The following LRRD1 variants were observed in gnomAD, a reference collection of about 807,000 sequenced individuals.
LRRD1 encodes the protein leucine rich repeats and death domain containing 1.
Under a neutral mutation model 69.5 loss-of-function variants are expected in LRRD1, and 49 were observed. The observed-to-expected ratio is 0.70, with a 90% confidence interval of 0.56 to 0.89. The LOEUF (loss-of-function observed/expected upper bound fraction) is 0.89. LRRD1 is among the 40% of genes least tolerant of loss of function. The pLI, the probability that LRRD1 is intolerant of heterozygous loss-of-function variation, is 0.00. For missense variants in LRRD1, 853 were observed against 956.0 expected, an observed-to-expected ratio of 0.89 and a Z score of 1.42; for synonymous variants, 303 against 338.9, an observed-to-expected ratio of 0.89 and a Z score of 1.16.
rs1788987309 is a variant in LRRD1, at chr7:92,168,920, T to C, written c.-74-3644A>G. 2.0e-5 allele frequency among the ~76,000 whole-genome samples: 3 copies of C among 152,252 alleles called. No individual in the cohort carries two copies. The South Asian group carries it at 6.2e-4, about 32-fold the overall frequency. On this transcript the variant is annotated intron_variant, in intron 1 of 5. Coordinates refer to ENST00000458448, the MANE Select transcript of LRRD1 (RefSeq NM_001161528.2). Reference sequence around the variant, plus strand: ...GACCAAGAATTTAAAATGACAGGTCTGTTTTGTTTTGTTTTTTTGAGACAG... The same window carrying C: ...GACCAAGAATTTAAAATGACAGGTCCGTTTTGTTTTGTTTTTTTGAGACAG...
At chr7:92,167,511 C>G (rs191368225) in intron 1 of LRRD1, among the ~76,000 whole-genome samples, 1 of 151,994 alleles carries the variant, frequency 6.6e-6, no homozygotes, top group Non-Finnish European at 1.5e-5. Context: ...AAAATTATTT[C>G]AAAATAGAAA....
intron 3 of LRRD1, among the ~76,000 whole-genome samples, 152 bp from the exon 4 acceptor site, chr7:92,150,847 C>CA (rs1820448583): frequency 6.6e-6 from 1 of 152,022 alleles, no homozygotes. Flanking sequence ...ATGCTAAGAG[C>CA]AAAAAAGAGT....
At chr7:92,172,299 C>T (rs1789073925) in intron 1 of LRRD1, among the ~76,000 whole-genome samples, 1 of 152,148 alleles carries the variant, frequency 6.6e-6, no homozygotes, top group Non-Finnish European at 1.5e-5. Context: ...AGGATGTCCA[C>T]TCTCACCACT....
At chr7:92,162,773 T>TA (rs1788816232) in intron 2 of LRRD1, among the ~76,000 whole-genome samples, 1 of 152,210 alleles carries the variant, frequency 6.6e-6, no homozygotes, top group Non-Finnish European at 1.5e-5. Flanking sequence ...AAGATGGTTA[T>TA]ATCAAAGAGA....
intron 4 of LRRD1, among the ~76,000 whole-genome samples, chr7:92,147,759 TCTCA>T (rs1415030902): frequency 6.6e-6 from 1 of 152,048 alleles, no homozygotes; most frequent in Non-Finnish European, 1.5e-5. Context: ...TTAGACAGGG[TCTCA>T]CTCTGTTGCT....
At position 92,165,176 on chromosome 7, in the gene LRRD1, T is replaced by C. The variant is rs1417169439; in HGVS notation, c.27A>G (p.Glu9=). 1.3e-6 allele frequency: 2 copies of C among 1,511,808 alleles called. No individual in the cohort carries two copies. The highest frequency in any genetic ancestry group is 1.4e-5 in the African/African-American group (1 of 71,640). 93.6% of individuals were successfully genotyped at this position (1,511,808 alleles called of 1,614,324 possible). A position where few individuals can be genotyped will look rare whatever the true frequency, so the allele number is the denominator to read the frequency against. Residue 9 remains glutamate (E), a synonymous_variant, in exon 2 of 6, where the codon GAA becomes GAG. Transcript: ENST00000458448. The part of the protein sequence containing the change: MSEKEGMS[E]VLEDTISQFR... ...ATTGACTAATAGTATCCTCTAGCACTTCTGACATACCCTCCTTTTCAGACA... is the reference window on the plus strand; with the variant it reads ...ATTGACTAATAGTATCCTCTAGCACCTCTGACATACCCTCCTTTTCAGACA...
chr7:92,167,908 A>G (rs896907879), intron 1 of LRRD1, among the ~76,000 whole-genome samples: 1 of 109,890 alleles, frequency 9.1e-6, no homozygotes, highest in Non-Finnish European at 1.9e-5. Context: ...AAAAAAAAAA[A>G]TAAGTTATTC....
chr7:92,158,128 A>G (rs996005433), intron 3 of LRRD1, among the ~76,000 whole-genome samples: 2 of 152,064 alleles, frequency 1.3e-5, no homozygotes, highest in African/African-American at 4.8e-5. Flanking sequence ...CATTATACCA[A>G]GGTTGGTCTG....
intron 1 of LRRD1, among the ~76,000 whole-genome samples, chr7:92,170,151 AGGAAGGAAGGAG>A (rs1789021077): frequency 6.6e-6 from 1 of 151,724 alleles, no homozygotes; most frequent in Non-Finnish European, 1.5e-5. Context: ...GACGGAAGGA[AGGAAGGAAGGAG>A]GGAAGGAAGG....
At chr7:92,175,223 G>GT (rs1706713490) in intron 1 of LRRD1, among the ~76,000 whole-genome samples, 2 of 152,126 alleles carry the variant, frequency 1.3e-5, no homozygotes, top group Non-Finnish European at 1.5e-5. Flanking sequence ...TTTCCATAAT[G>GT]TTTTTTGCCA....
At position 92,165,041 on chromosome 7, in the gene LRRD1, C is replaced by G; in HGVS notation, c.162G>C (p.Gln54His). The G allele has an allele frequency of 6.4e-7, 1 of 1,551,508 alleles. No homozygotes were observed. Among genetic ancestry groups the G allele is most frequent in the Non-Finnish European group, 8.7e-7 (1 of 1,146,952 alleles). Residue 54 changes from glutamine to histidine, a missense_variant, in exon 2 of 6, where the codon CAG becomes CAC. Around this residue, in one of 3 missense-constraint regions of LRRD1, gnomAD observed 99 missense variants for 107.0 expected, o/e 0.92. Transcript: ENST00000458448. ...SDYLEGKSSN[Q>H]IYETHPRQNT... ...TCTGTCTAGGATGTGTTTCATAAAT[C>G]TGGTTAGAAGATTTCCCTTCCAGGT...
At chr7:92,149,793 T>C (rs902540270) in intron 4 of LRRD1, 1 of 307,788 alleles carries the variant, frequency 3.2e-6, no homozygotes, top group African/African-American at 2.1e-5. Flanking sequence ...GCTCAAGTGA[T>C]TGTCCTGCCT....
chr7:92,157,766 G>A (rs1490405020), intron 3 of LRRD1, among the ~76,000 whole-genome samples: 2 of 151,232 alleles, frequency 1.3e-5, no homozygotes, highest in African/African-American at 2.4e-5. Flanking sequence ...AAGTAGAGCC[G>A]GGGTTTCACC....
At chr7:92,173,729 G>C (rs556290858) in intron 1 of LRRD1, among the ~76,000 whole-genome samples, 55 of 152,222 alleles carry the variant, frequency 3.6e-4, no homozygotes, top group South Asian at 3.1e-3. Context: ...ATCGTTGATG[G>C]AAATGTAAAT....
intron 1 of LRRD1, among the ~76,000 whole-genome samples, chr7:92,176,659 G>C (rs1789205151): frequency 6.6e-6 from 1 of 151,626 alleles, no homozygotes; most frequent in Admixed American, 6.6e-5. Flanking sequence ...CGCCTTCCAG[G>C]TTCAAGTGAT....
intron 2 of LRRD1, among the ~76,000 whole-genome samples, chr7:92,160,749 G>T (rs1019351611): frequency 2.0e-5 from 3 of 152,174 alleles, no homozygotes; most frequent in African/African-American, 2.4e-5. Flanking sequence ...GGAGGCAGAG[G>T]TTGCAGTGAG....
downstream of LRRD1, among the ~76,000 whole-genome samples, chr7:92,143,395 T>C (rs1414328891): frequency 7.0e-6 from 1 of 142,136 alleles, no homozygotes; most frequent in Non-Finnish European, 1.5e-5. Context: ...GGATGGTCGA[T>C]GGGTCTGGGC....
intron 1 of LRRD1, among the ~76,000 whole-genome samples, chr7:92,171,530 TA>T (rs1210968850): frequency 6.6e-6 from 1 of 152,154 alleles, no homozygotes; most frequent in Non-Finnish European, 1.5e-5. Flanking sequence ...AAATCTGTAA[TA>T]AAAAGTCTCC....
intron 3 of LRRD1, among the ~76,000 whole-genome samples, chr7:92,152,592 ATTTCTTT>A (rs1322312702): frequency 6.7e-6 from 1 of 150,024 alleles, no homozygotes; most frequent in African/African-American, 2.5e-5. Context: ...ACCATTTTGT[ATTTCTTT>A]CATCAGTGTA....
Sources: gnomAD v4.1 joint callset for allele counts (sites outside exome capture counted in the v4.1 genomes callset) on GRCh38, gnomAD v4.1.1 for gene constraint, gnomAD v4.1.1 regional missense constraint, MANE v1.5 for transcripts, NCBI Gene and HGNC (gene_info 2026-07-23, HGNC 2026-07-21) for gene names.